The following RIMS1 variants were observed in gnomAD, a reference collection of about 807,000 sequenced individuals.
RIMS1 encodes regulating synaptic membrane exocytosis protein 1.
In RIMS1, 83 loss-of-function variants were observed where a neutral mutation model predicts 214.1. The ratio of observed to expected loss-of-function variants is 0.39; its 90% CI spans 0.32 to 0.47. The LOEUF is 0.47. Ranked by LOEUF, RIMS1 falls within the 20% of genes least tolerant of loss-of-function variation. The pLI is 0.99. For missense variants in RIMS1, 2,050 were observed against 2,161.8 expected (o/e 0.95, Z 1.03); for synonymous variants, 793 against 786.8 (o/e 1.01, Z -0.13).
intron 24 of RIMS1, among the ~76,000 whole-genome samples, chr6:72,285,401 A>C (rs1214363483): frequency 6.6e-6 from 1 of 152,248 alleles, no homozygotes; most frequent in East Asian, 1.9e-4. Flanking sequence ...AAGTTCAAGT[A>C]ATAAAATAGC....
intron 2 of RIMS1, among the ~76,000 whole-genome samples, chr6:72,045,460 T>C (rs1270276245): frequency 6.6e-6 from 1 of 152,052 alleles, no homozygotes; most frequent in African/African-American, 2.4e-5. Flanking sequence ...AAATCCATAG[T>C]ATTTAATCTC....
chr6:72,058,534 T>C (rs978598356), intron 2 of RIMS1, among the ~76,000 whole-genome samples: 1 of 152,190 alleles, frequency 6.6e-6, no homozygotes, highest in African/African-American at 2.4e-5. Flanking sequence ...CCATCCCTTG[T>C]AGGAACCCTT....
intron 6 of RIMS1, among the ~76,000 whole-genome samples, chr6:72,200,860 TGTG>T (rs2051855326): frequency 1.2e-4 from 2 of 16,426 alleles, no homozygotes; most frequent in South Asian, 4.7e-3. Context: ...GACACAATTG[TGTG>T]TGTGTGTGTG....
intron 19 of RIMS1, among the ~76,000 whole-genome samples, chr6:72,264,646 G>A (rs1226604555): frequency 1.3e-5 from 2 of 151,972 alleles, no homozygotes; most frequent in Admixed American, 6.6e-5. Context: ...GTTTACTTTC[G>A]TAGAAGTAGG....
At chr6:71,962,730 A>G (rs1263982161) in intron 1 of RIMS1, among the ~76,000 whole-genome samples, 1 of 152,162 alleles carries the variant, frequency 6.6e-6, no homozygotes, top group Non-Finnish European at 1.5e-5. Context: ...TGTGAATGGA[A>G]ATGAGGTTGC....
At chr6:72,017,475 A>G (rs1305995010) in intron 2 of RIMS1, among the ~76,000 whole-genome samples, 1 of 152,220 alleles carries the variant, frequency 6.6e-6, no homozygotes, top group Non-Finnish European at 1.5e-5. Flanking sequence ...AATAAGAAAT[A>G]ATGCACACAA....
chr6:72,263,283 C>T (rs912982096), intron 19 of RIMS1: 9 of 984,884 alleles, frequency 9.1e-6, no homozygotes, highest in East Asian at 1.1e-4. Flanking sequence ...TTTAGTAAAA[C>T]GTGTCTCGAG....
chr6:71,940,410 T>C (rs1785703577), intron 1 of RIMS1, among the ~76,000 whole-genome samples: 1 of 152,164 alleles, frequency 6.6e-6, no homozygotes, highest in Non-Finnish European at 1.5e-5. Flanking sequence ...TATATCAATA[T>C]GGTTGCATGG....
At chr6:72,271,276 A>T (rs1453505230) in intron 22 of RIMS1, among the ~76,000 whole-genome samples, 398 of 49,288 alleles carry the variant, frequency 8.1e-3, no homozygotes, top group Non-Finnish European at 0.011. Flanking sequence ...AAGGAAAAAA[A>T]AAAAAAAAAA....
chr6:71,993,447 G>A (rs142020391), intron 2 of RIMS1, among the ~76,000 whole-genome samples: 3 of 152,272 alleles, frequency 2.0e-5, no homozygotes, highest in African/African-American at 7.2e-5. Context: ...TTGCTATTTT[G>A]GTGTGATTGG....
chr6:71,887,869 A>G (rs1056055898), intron 1 of RIMS1, among the ~76,000 whole-genome samples: 3 of 152,188 alleles, frequency 2.0e-5, no homozygotes, highest in Non-Finnish European at 4.4e-5. Context: ...CTGGCAATAC[A>G]AAGTTTTTAA....
chr6:72,165,957 A>G (rs1235041771), intron 4 of RIMS1, among the ~76,000 whole-genome samples: 2 of 152,190 alleles, frequency 1.3e-5, no homozygotes, highest in African/African-American at 4.8e-5. Flanking sequence ...ATATGTCTGC[A>G]TTTATTTTGC....
At chr6:71,989,705 A>T (rs16881990) in intron 2 of RIMS1, among the ~76,000 whole-genome samples, 16,498 of 152,230 alleles carry the variant, frequency 0.11, 1,080 homozygotes, top group Admixed American at 0.18. Flanking sequence ...TATGTTGAGC[A>T]TCTGCTACGT....
chr6:72,271,286 A>AATATATAT (rs1222564699), intron 22 of RIMS1, among the ~76,000 whole-genome samples: 1,927 of 43,802 alleles, frequency 0.044, 47 homozygotes, highest in Middle Eastern at 0.083. Context: ...AAAAAAAAAA[A>AATATATAT]ATATATATAT....
At chr6:72,355,105 A>G (rs2097581773) in intron 29 of RIMS1, among the ~76,000 whole-genome samples, 1 of 152,160 alleles carries the variant, frequency 6.6e-6, no homozygotes, top group African/African-American at 2.4e-5. Flanking sequence ...ATACTTAACT[A>G]AAGTTTTATT....
intron 27 of RIMS1, among the ~76,000 whole-genome samples, chr6:72,308,809 C>T (rs1303980173): frequency 6.6e-6 from 1 of 152,116 alleles, no homozygotes; most frequent in Admixed American, 6.6e-5. Context: ...TTGCCTATTT[C>T]AGCTCCATAC....
intron 23 of RIMS1, among the ~76,000 whole-genome samples, chr6:72,277,850 T>C (rs924287412): frequency 6.6e-6 from 1 of 152,130 alleles, no homozygotes; most frequent in African/African-American, 2.4e-5. Flanking sequence ...TAAATGTAGA[T>C]TGAGTTGTAG....
rs143814567 is a variant in RIMS1, at chr6:72,149,721, C to T, written c.472-29854C>T. On this transcript the variant is annotated intron_variant, in intron 4 of 33. Transcript: ENST00000521978. ...ACCCTCTGACAATCCTGGATGAGCCCCTAGAAATGATGCAGGATTTTTCTT... is the reference window on the plus strand; with the variant it reads ...ACCCTCTGACAATCCTGGATGAGCCTCTAGAAATGATGCAGGATTTTTCTT... 5.3e-5 allele frequency among the ~76,000 whole-genome samples: 8 copies of T among 152,294 alleles called. No individual in the cohort carries two copies. In the East Asian group the frequency reaches 1.5e-3, roughly 29 times the overall value.
chr6:71,960,961 C>T (rs1792775931), intron 1 of RIMS1, among the ~76,000 whole-genome samples: 1 of 151,986 alleles, frequency 6.6e-6, no homozygotes, highest in Admixed American at 6.6e-5. Flanking sequence ...CTGCAGAAGA[C>T]ATAGTGACCC....
Sources: allele counts gnomAD v4.1 joint callset (sites outside exome capture counted in the v4.1 genomes callset), GRCh38; gene constraint gnomAD v4.1.1; transcripts MANE v1.5; gene names NCBI Gene and HGNC (gene_info 2026-07-23, HGNC 2026-07-21).